The following DLGAP2 variants were observed in gnomAD, a reference collection of about 807,000 sequenced individuals.
DLGAP2 encodes disks large-associated protein 2.
Under a neutral mutation model 100.3 loss-of-function variants are expected in DLGAP2, and 26 were observed. That is an observed-to-expected ratio of 0.26 (90% CI 0.19 to 0.36). The LOEUF is 0.36. Ranked by LOEUF, DLGAP2 falls within the 10% of genes least tolerant of loss-of-function variation. The pLI is 1.00. For missense variants in DLGAP2, 1,858 were observed against 1,453.2 expected (o/e 1.28, Z -4.53); for synonymous variants, 886 against 630.1 (o/e 1.41, Z -6.08).
At position 771,678 on chromosome 8, in the gene DLGAP2, C is replaced by G. The variant is rs115857757; in HGVS notation, c.18+33853C>G. 3.7e-3 allele frequency among the ~76,000 whole-genome samples: 564 copies of G among 152,360 alleles called. 5 individuals carry two copies. Among genetic ancestry groups the G allele is most frequent in the African/African-American group, 0.012 (512 of 41,592 alleles). On this transcript the variant is annotated intron_variant, in intron 1 of 14. Transcript: ENST00000637795. ...CTACCCAGAGACGCATTGAACACGA[C>G]GTGGCCTCTGGGGCTCTGCCCCACT...
intron 3 of DLGAP2, among the ~76,000 whole-genome samples, chr8:1,357,163 C>T (rs529739256): frequency 1.3e-5 from 2 of 152,190 alleles, no homozygotes; most frequent in African/African-American, 4.8e-5. Context: ...GTCTGTGGAC[C>T]AGGAAACGAG....
chr8:902,972 G>T (rs1426855479), intron 1 of DLGAP2, among the ~76,000 whole-genome samples: 11 of 46,540 alleles, frequency 2.4e-4, no homozygotes, highest in South Asian at 1.1e-3. Context: ...GAACGTGTTC[G>T]GGTGGGTGGG....
chr8:1,628,771 A>G (rs963904195), intron 7 of DLGAP2, among the ~76,000 whole-genome samples: 14 of 147,872 alleles, frequency 9.5e-5, no homozygotes, highest in Non-Finnish European at 1.5e-4. Flanking sequence ...TGGAGCAGGG[A>G]TTAAGAGCCT....
At chr8:956,160 C>G (rs531634504) in intron 2 of DLGAP2, among the ~76,000 whole-genome samples, 10 of 152,316 alleles carry the variant, frequency 6.6e-5, no homozygotes, top group African/African-American at 2.4e-4. Context: ...GTGTGTGCGT[C>G]TGGTGCATTT....
At chr8:960,988 T>C (rs1185495050) in intron 2 of DLGAP2, among the ~76,000 whole-genome samples, 1 of 151,778 alleles carries the variant, frequency 6.6e-6, no homozygotes, top group Non-Finnish European at 1.5e-5. Context: ...GCCATTGATA[T>C]TCTTTTTCAT....
chr8:911,906 A>G (rs767886512), intron 2 of DLGAP2, among the ~76,000 whole-genome samples: 15 of 152,248 alleles, frequency 9.9e-5, no homozygotes, highest in Non-Finnish European at 2.2e-4. Flanking sequence ...TTCAGTTCCT[A>G]GATGATCTGG....
chr8:1,551,991 C>G (rs1217968821), intron 5 of DLGAP2, among the ~76,000 whole-genome samples: 1 of 152,146 alleles, frequency 6.6e-6, no homozygotes, highest in Non-Finnish European at 1.5e-5. Flanking sequence ...TCCTCTCTTC[C>G]TCCCCCTAGA....
chr8:1,392,281 C>G (rs1001907515), intron 3 of DLGAP2, among the ~76,000 whole-genome samples: 15 of 152,202 alleles, frequency 9.9e-5, no homozygotes, highest in African/African-American at 2.2e-4. Flanking sequence ...CAGGTCGAGG[C>G]GCAGTCCAGA....
At chr8:940,710 G>A (rs187214473) in intron 2 of DLGAP2, among the ~76,000 whole-genome samples, 4 of 152,326 alleles carry the variant, frequency 2.6e-5, no homozygotes, top group Admixed American at 2.0e-4. Flanking sequence ...GTCTCCAGAT[G>A]CTGGGGTTTT....
At chr8:1,365,564 G>C (rs149145608) in intron 3 of DLGAP2, among the ~76,000 whole-genome samples, 1 of 152,158 alleles carries the variant, frequency 6.6e-6, no homozygotes, top group Non-Finnish European at 1.5e-5. Flanking sequence ...TTTGCTCGCC[G>C]AGATAAAATA....
At chr8:1,261,590 G>A (rs1184801704) in intron 3 of DLGAP2, among the ~76,000 whole-genome samples, 1 of 151,930 alleles carries the variant, frequency 6.6e-6, no homozygotes, top group Non-Finnish European at 1.5e-5. Context: ...TGGGGGGTGG[G>A]GCTCCCTGCT....
intron 1 of DLGAP2, among the ~76,000 whole-genome samples, chr8:771,618 G>C (rs767200730): frequency 1.3e-5 from 2 of 152,224 alleles, no homozygotes; most frequent in Non-Finnish European, 2.9e-5. Context: ...GTTTAGTTAA[G>C]AGTAATGGTC....
intron 2 of DLGAP2, among the ~76,000 whole-genome samples, chr8:1,191,395 C>G (rs1055502232): frequency 2.0e-5 from 3 of 152,148 alleles, no homozygotes; most frequent in Non-Finnish European, 2.9e-5. Context: ...TGGTCTTGAT[C>G]TCCTGACCTT....
chr8:773,839 TTA>T (rs1272066477), intron 1 of DLGAP2, among the ~76,000 whole-genome samples: 1 of 152,194 alleles, frequency 6.6e-6, no homozygotes, highest in Non-Finnish European at 1.5e-5. Context: ...GCAGCATGAT[TTA>T]TAGTCCTTTG....
intron 8 of DLGAP2, among the ~76,000 whole-genome samples, chr8:1,654,386 G>C (rs1396920806): frequency 6.6e-6 from 1 of 152,178 alleles, no homozygotes; most frequent in Non-Finnish European, 1.5e-5. Context: ...ACATGGCCGG[G>C]CATGGTGGCT....
rs966576323 is a variant in DLGAP2 at position 1,703,121 on chromosome 8, C to G, written c.*1715C>G. On this transcript the variant is annotated 3_prime_UTR_variant, in exon 15 of 15. Transcript: ENST00000637795. ...GAGCATGGGACCATTGGGAGCAGAG[C>G]TGATATTAAAGCATGTTTAGCTTCG... 6.6e-6 allele frequency: 1 copy of G among 152,642 alleles called. No homozygotes were observed. The highest frequency in any genetic ancestry group is 1.5e-5 in the Non-Finnish European group (1 of 68,044). The allele number at this position is 152,642 out of a possible 1,614,324, so 9.5% of individuals were successfully genotyped here.
chr8:1,115,261 T>G (rs749524196), intron 2 of DLGAP2, among the ~76,000 whole-genome samples: 1 of 152,234 alleles, frequency 6.6e-6, no homozygotes, highest in Non-Finnish European at 1.5e-5. Flanking sequence ...TCTCTCTCAG[T>G]GATCTGTCTA....
At chr8:1,591,144 C>T (rs1043496057) in intron 6 of DLGAP2, among the ~76,000 whole-genome samples, 1 of 152,236 alleles carries the variant, frequency 6.6e-6, no homozygotes, top group South Asian at 2.1e-4. Context: ...GCCCTTAGCC[C>T]TGTCCAGACA....
chr8:1,325,413 C>G (rs537306995), intron 3 of DLGAP2, among the ~76,000 whole-genome samples: 4 of 152,222 alleles, frequency 2.6e-5, no homozygotes, highest in Non-Finnish European at 5.9e-5. Flanking sequence ...TGTGGTCCCC[C>G]GACCCTGCAG....
Sources: allele counts gnomAD v4.1 joint callset (sites outside exome capture counted in the v4.1 genomes callset), GRCh38; gene constraint gnomAD v4.1.1; transcripts MANE v1.5; gene names NCBI Gene and HGNC (gene_info 2026-07-23, HGNC 2026-07-21).